Variants in EFTUD2 observed in about 807,000 individuals in gnomAD.
EFTUD2 encodes elongation factor Tu GTP binding domain containing 2, also known as 116 kDa U5 small nuclear ribonucleoprotein component.
A neutral mutation model predicts 114.3 loss-of-function variants in EFTUD2; 9 were observed. That is an observed-to-expected ratio of 0.08 (90% CI 0.05 to 0.14). The LOEUF (loss-of-function observed/expected upper bound fraction) is 0.14. Ranked by LOEUF, EFTUD2 falls within the 10% of genes least tolerant of loss-of-function variation. The probability of loss-of-function intolerance (pLI) is 1.00; values close to 1 mark genes in which losing one functional copy is unlikely to be tolerated. For synonymous variants in EFTUD2, 449 were observed against 462.3 expected (o/e 0.97, Z 0.37); for missense variants, 765 against 1,241.2 (o/e 0.62, Z 5.76).
At chr17:44,881,777 C>G in intron 6 of EFTUD2, 55 bp from the exon 7 acceptor site, 1 of 1,552,882 alleles carries the variant, frequency 6.4e-7, no homozygotes, top group Non-Finnish European at 8.9e-7. Context: ...CTCCCACAAA[C>G]GAACCATCAA....
At chr17:44,887,534 G>A (rs1055017172) in intron 2 of EFTUD2, among the ~76,000 whole-genome samples, 4 of 152,152 alleles carry the variant, frequency 2.6e-5, no homozygotes, top group Admixed American at 6.5e-5. Flanking sequence ...ATGCTACAGC[G>A]TAGATAAGCC....
At chr17:44,861,576 C>CA (rs1402520039) in intron 16 of EFTUD2, among the ~76,000 whole-genome samples, 1 of 151,020 alleles carries the variant, frequency 6.6e-6, no homozygotes, top group Non-Finnish European at 1.5e-5. Flanking sequence ...ACTAAAAATA[C>CA]AAAAAAATTA....
At chr17:44,898,250 T>G (rs2051431473) in intron 1 of EFTUD2, among the ~76,000 whole-genome samples, 1 of 152,068 alleles carries the variant, frequency 6.6e-6, no homozygotes, top group African/African-American at 2.4e-5. Context: ...AGAGTTTTGC[T>G]CTTGTTGCCC....
chr17:44,879,745 C>T lies in EFTUD2; in HGVS notation c.620-107G>A, dbSNP rs553854462. ...TCAAAGCCCGTGAACCTCCGAATAT[C>T]CCCTTTCCTCCTCGCCATAACCCCC... On this transcript the variant is annotated intron_variant, in intron 8 of 27. Transcript: ENST00000426333. 507 of 1,037,296 alleles carry T rather than the reference C, an allele frequency of 4.9e-4. 6 individuals are homozygous for T. The highest frequency in any genetic ancestry group is 3.7e-3 in the South Asian group (269 of 72,852). 64.3% of individuals were successfully genotyped at this position (1,037,296 alleles called of 1,614,324 possible). A position where few individuals can be genotyped will look rare whatever the true frequency, so the allele number is the denominator to read the frequency against.
intron 13 of EFTUD2, 23 bp downstream of exon 13, chr17:44,867,784 C>T: frequency 1.3e-6 from 2 of 1,539,392 alleles, no homozygotes; most frequent in Non-Finnish European, 1.8e-6. Flanking sequence ...GCAGATCTGC[C>T]CAGTGTGACC....
In EFTUD2 at chr17:44,885,341, G is replaced by GA. The variant is rs557631650; in HGVS notation, c.272-8dup. On this transcript the variant is annotated splice_region_variant and splice_polypyrimidine_tract_variant and intron_variant, in intron 3 of 27. Coordinates refer to ENST00000426333, the MANE Select transcript of EFTUD2 (RefSeq NM_004247.4). Reference sequence around the variant, plus strand: ...ACTGGCTTAATAATGGGTTCTAGAAGAAAAAAAAAAGGTAGTGATGTGTAG... The same window carrying GA: ...ACTGGCTTAATAATGGGTTCTAGAAGAAAAAAAAAAAGGTAGTGATGTGTAG... 8.4e-3 allele frequency: 11,790 copies of GA among 1,398,016 alleles called. 17 individuals carry two copies. Among genetic ancestry groups the GA allele is most frequent in the African/African-American group, 0.026 (1,774 of 67,790 alleles). The allele number at this position is 1,398,016 out of a possible 1,614,324, so 86.6% of individuals were successfully genotyped here. A position where few individuals can be genotyped will look rare whatever the true frequency, so the allele number is the denominator to read the frequency against.
At chr17:44,860,165 C>T in intron 17 of EFTUD2, 120 bp from the exon 18 acceptor site, 5 of 1,439,754 alleles carry the variant, frequency 3.5e-6, no homozygotes, top group Non-Finnish European at 4.8e-6. Context: ...CAACCAGGAG[C>T]CTGGTGCTGA....
At chr17:44,853,218 C>T in intron 25 of EFTUD2, 78 bp downstream of exon 25, 4 of 1,488,176 alleles carry the variant, frequency 2.7e-6, no homozygotes, top group Non-Finnish European at 3.7e-6. Flanking sequence ...GCCAACCTCT[C>T]TTCCCTGTAG....
At chr17:44,866,106 G>A (rs555479191) in intron 13 of EFTUD2, among the ~76,000 whole-genome samples, 12 of 152,252 alleles carry the variant, frequency 7.9e-5, no homozygotes, top group African/African-American at 2.4e-4. Flanking sequence ...AACCACATCC[G>A]GCCACGTTAT....
At chr17:44,894,969 T>C (rs2145583091) in intron 1 of EFTUD2, among the ~76,000 whole-genome samples, 1 of 152,370 alleles carries the variant, frequency 6.6e-6, no homozygotes, top group South Asian at 2.1e-4. Flanking sequence ...CCTAAATTAT[T>C]TGAAAGTGAG....
At chr17:44,883,020 A>G in intron 6 of EFTUD2, 73 bp downstream of exon 6, 1 of 1,455,400 alleles carries the variant, frequency 6.9e-7, no homozygotes, top group Non-Finnish European at 9.5e-7. Context: ...GGAAGGGTGA[A>G]GGAAGGAGGA....
rs76519865 is a variant in EFTUD2 at position 44,862,807 on chromosome 17, G to T, written c.1513C>A (p.Gln505Lys). 8.1e-6 allele frequency: 13 copies of T among 1,613,812 alleles called. No homozygotes were observed. Among genetic ancestry groups the T allele is most frequent in the Non-Finnish European group, 1.1e-5 (13 of 1,179,942 alleles). ...TTCTCCCCCAGTACCTTCACAGGCT[G>T]CCCAGCATGAATGGTGCCACTCAGC... ...RVLSGTIHAG[Q>K]PVKVLGENYT... The change falls in exon 16 of 28, where the codon CAG (glutamine) becomes AAG (lysine). Residue 505 changes from glutamine to lysine, a missense_variant. Around this residue, in one of 6 missense-constraint regions of EFTUD2, gnomAD observed 149 missense variants for 245.1 expected, o/e 0.61. Transcript: ENST00000426333.
chr17:44,859,809 G>A (rs1398988790), intron 18 of EFTUD2, 96 bp downstream of exon 18: 2 of 1,582,982 alleles, frequency 1.3e-6, no homozygotes, highest in East Asian at 2.3e-5. Flanking sequence ...GTAAGCAGCA[G>A]ATCATGAACA....
Position 44,881,356 on chromosome 17 carries a change from T to C in EFTUD2, c.528+331A>G, listed in dbSNP as rs1260389439. Among the ~76,000 whole-genome samples, 4 of 152,374 alleles carry C rather than the reference T, an allele frequency of 2.6e-5. No individual in the cohort carries two copies. The East Asian group carries it at 5.8e-4, about 22-fold the overall frequency. ...CATCCTGCGGATTTTTAAAGGATGA[T>C]GTCATTTTAAAAAAATCATGTTGAG... On this transcript the variant is annotated intron_variant, in intron 7 of 27. Transcript: ENST00000426333.
rs148120513 is a variant in EFTUD2, at chr17:44,854,213, A to G, written c.2347+56T>C. Reference sequence around the variant, plus strand: ...AAGATGGTGAGCCCATCCCACTCATATGCCTGGCTGCAAGGACCCTCGAGG... The same window carrying G: ...AAGATGGTGAGCCCATCCCACTCATGTGCCTGGCTGCAAGGACCCTCGAGG... On this transcript the variant is annotated intron_variant, in intron 23 of 27. Coordinates refer to ENST00000426333, the MANE Select transcript of EFTUD2 (RefSeq NM_004247.4). This position sits in a 1 kb window ranked among gnomAD's most constrained non-coding sequence, Gnocchi z 4.3. 11 of 1,549,428 alleles carry G rather than the reference A, an allele frequency of 7.1e-6. No individual in the cohort carries two copies. In the East Asian group the frequency reaches 2.3e-4, roughly 32 times the overall value.
chr17:44,891,372 T>C (rs999515844), intron 2 of EFTUD2, among the ~76,000 whole-genome samples: 3 of 152,144 alleles, frequency 2.0e-5, no homozygotes, highest in Non-Finnish European at 2.9e-5. Context: ...AAAACCTTCA[T>C]AGGGTCTCAC....
At chr17:44,860,990 C>T (rs2050648273) in intron 16 of EFTUD2, among the ~76,000 whole-genome samples, 1 of 152,138 alleles carries the variant, frequency 6.6e-6, no homozygotes, top group Non-Finnish European at 1.5e-5. Context: ...ATACAGTAAA[C>T]AATCATTATC....
chr17:44,865,571 A>T (rs1429699702), intron 13 of EFTUD2, among the ~76,000 whole-genome samples: 3 of 152,092 alleles, frequency 2.0e-5, no homozygotes, highest in African/African-American at 7.2e-5. Context: ...AGTCTGACAT[A>T]AGATACTAAG....
At chr17:44,867,743 T>A in intron 13 of EFTUD2, 64 bp downstream of exon 13, 1 of 1,352,484 alleles carries the variant, frequency 7.4e-7, no homozygotes, top group Non-Finnish European at 9.8e-7. Flanking sequence ...AAGTGTGAGT[T>A]CACCAGCTCT....
Sources: allele counts gnomAD v4.1 joint callset (sites outside exome capture counted in the v4.1 genomes callset), GRCh38; gene constraint gnomAD v4.1.1; regional missense constraint gnomAD v4.1.1; non-coding constraint Gnocchi (gnomAD v3.1); transcripts MANE v1.5; gene names NCBI Gene and HGNC (gene_info 2026-07-23, HGNC 2026-07-21).